The following AHNAK variants were observed in gnomAD, a reference collection of about 807,000 sequenced individuals.
AHNAK encodes neuroblast differentiation-associated protein AHNAK.
AHNAK carries 23 observed loss-of-function variants against 37.8 expected under a neutral mutation model. That is an observed-to-expected ratio of 0.61 (90% confidence interval 0.44 to 0.86). The LOEUF (loss-of-function observed/expected upper bound fraction) is 0.86, where lower values mean the gene tolerates loss of function less well. Among genes scored for constraint, AHNAK ranks in the 40% least tolerant of loss-of-function variants. AHNAK has a pLI of 0.00. For synonymous variants in AHNAK, 2,481 were observed against 2,636.3 expected (o/e 0.94, Z 1.80); for missense variants, 7,411 against 7,319.4 (o/e 1.01, Z -0.46).
At chr11:62,498,387 T>C (rs1939651809) in intron 4 of AHNAK, among the ~76,000 whole-genome samples, 1 of 152,060 alleles carries the variant, frequency 6.6e-6, no homozygotes, top group East Asian at 1.9e-4. Context: ...ATGAATGGCA[T>C]ACTAAGATTA....
At chr11:62,534,148 C>T in intron 4 of AHNAK, 74 bp from the exon 5 acceptor site, 1 of 1,441,530 alleles carries the variant, frequency 6.9e-7, no homozygotes, top group South Asian at 1.4e-5. Context: ...CACAGCCCAG[C>T]CGACAACACG....
Position 62,517,273 on chromosome 11 carries a change from G to A in AHNAK, c.17144C>T (p.Pro5715Leu), listed in dbSNP as rs1489145306. ...VKLKKSKIKM[P>L]KFNFSKPKGK... The stretch of plus-strand genomic sequence containing the variant: ...TTTAGGTTTGGAAAAATTAAACTTG[G>A]GCATTTTGATCTTGGACTTTTTCAG... The change falls in exon 5 of 5, where the codon CCC becomes CTC. Residue 5715 changes from proline to leucine, a missense_variant. Pro to Leu is a moderately conservative substitution (Grantham distance 98). Coordinates refer to ENST00000378024, the MANE Select transcript of AHNAK (RefSeq NM_001620.3). 2 of 1,613,918 alleles carry A rather than the reference G, an allele frequency of 1.2e-6. No individual in the cohort carries two copies. The highest frequency in any genetic ancestry group is 1.7e-6 in the Non-Finnish European group (2 of 1,180,028).
chr11:62,435,163 T>C (rs1938133341), intron 5 of AHNAK, among the ~76,000 whole-genome samples: 1 of 152,146 alleles, frequency 6.6e-6, no homozygotes, highest in Non-Finnish European at 1.5e-5. Flanking sequence ...TCCTACCCAT[T>C]TTTGAAGACT....
At chr11:62,479,167 C>CTTTTTTTTTT (rs33929407) in intron 5 of AHNAK, among the ~76,000 whole-genome samples, 19 of 116,238 alleles carry the variant, frequency 1.6e-4, no homozygotes, top group South Asian at 2.7e-4. Flanking sequence ...TTTCTTTTTT[C>CTTTTTTTTTT]TTTTTTTTTT....
intron 5 of AHNAK, among the ~76,000 whole-genome samples, chr11:62,465,196 A>C (rs1322320539): frequency 6.6e-6 from 1 of 152,088 alleles, no homozygotes; most frequent in East Asian, 1.9e-4. Flanking sequence ...TCACCTACAC[A>C]CTGATGGCCC....
intron 5 of AHNAK, among the ~76,000 whole-genome samples, chr11:62,464,474 C>T (rs569200239): frequency 1.3e-5 from 2 of 152,198 alleles, no homozygotes; most frequent in South Asian, 4.1e-4. Context: ...TTGAGACCAG[C>T]CTGACCAACA....
At chr11:62,441,158 G>T (rs538413826) in intron 5 of AHNAK, among the ~76,000 whole-genome samples, 2 of 151,712 alleles carry the variant, frequency 1.3e-5, no homozygotes, top group African/African-American at 4.8e-5. Context: ...GTGCCACCAC[G>T]CCCGGCTAAA....
At chr11:62,460,262 G>A (rs970500763) in intron 5 of AHNAK, among the ~76,000 whole-genome samples, 1 of 152,190 alleles carries the variant, frequency 6.6e-6, no homozygotes, top group African/African-American at 2.4e-5. Context: ...ACTCCAGCCT[G>A]GGTGACAGAG....
chr11:62,489,712 G>A (rs1284126005), intron 5 of AHNAK, among the ~76,000 whole-genome samples: 4 of 151,994 alleles, frequency 2.6e-5, no homozygotes, highest in African/African-American at 4.8e-5. Flanking sequence ...CCTGGAGCTC[G>A]GAAGAGAAGC....
At chr11:62,460,380 G>C (rs897848204) in intron 5 of AHNAK, among the ~76,000 whole-genome samples, 6 of 152,148 alleles carry the variant, frequency 3.9e-5, no homozygotes, top group African/African-American at 1.4e-4. Flanking sequence ...GGGAGGATGA[G>C]AGCACCAGGA....
In AHNAK at chr11:62,516,105, G is replaced by T. The variant is rs1011019407; in HGVS notation, c.*639C>A. 3.3e-5 allele frequency: 42 copies of T among 1,268,704 alleles called. No individual in the cohort carries two copies. Among genetic ancestry groups the T allele is most frequent in the Middle Eastern group, 3.1e-4 (1 of 3,250 alleles). 78.6% of individuals were successfully genotyped at this position (1,268,704 alleles called of 1,614,324 possible). ...GAAAATGGAAGCCCCTCATGTTGAG[G>T]GGGTGGGTTGGACAATTTGCAAACA... On this transcript the variant is annotated 3_prime_UTR_variant, in exon 5 of 5. Transcript: ENST00000378024.
chr11:62,448,663 A>G (rs1938468200), intron 5 of AHNAK, among the ~76,000 whole-genome samples: 1 of 152,162 alleles, frequency 6.6e-6, no homozygotes, highest in Non-Finnish European at 1.5e-5. Context: ...CCATTTGGGA[A>G]ATGCTGAGCT....
chr11:62,469,407 C>G (rs967930352), intron 5 of AHNAK, among the ~76,000 whole-genome samples: 9 of 151,984 alleles, frequency 5.9e-5, no homozygotes, highest in African/African-American at 2.2e-4. Flanking sequence ...CAGGCGTGAA[C>G]TACTGCGTCC....
chr11:62,512,278 G>A (rs535905349), downstream of AHNAK, among the ~76,000 whole-genome samples: 2 of 152,222 alleles, frequency 1.3e-5, no homozygotes, highest in Admixed American at 6.5e-5. The surrounding 1 kb of genome is among the most constrained non-coding windows in gnomAD (Gnocchi z 4.0). Flanking sequence ...GGAGAGAGGG[G>A]TCAGGGTGTT....
In AHNAK at chr11:62,531,344, C is replaced by A. The variant is rs1378270035; in HGVS notation, c.3073G>T (p.Ala1025Ser). The change falls in exon 5 of 5, where the codon GCG (alanine) becomes TCG (serine). Residue 1025 changes from alanine (A) to serine (S), a missense_variant. Coordinates refer to ENST00000378024, the MANE Select transcript of AHNAK (RefSeq NM_001620.3). ...TTTGGTGCAGAAATGTCCACATTCG[C>A]TTTGGACAGGTTCACATCAAATTCT... is the stretch of plus-strand genomic sequence containing the variant. ...GPEFDVNLSK[A>S]NVDISAPKVD... 1 of 1,613,808 alleles carries A rather than the reference C, an allele frequency of 6.2e-7. No homozygotes were observed. Among genetic ancestry groups the A allele is most frequent in the Non-Finnish European group, 8.5e-7 (1 of 1,179,936 alleles).
chr11:62,524,555 C>A lies in AHNAK; in HGVS notation c.9862G>T (p.Val3288Leu). 1 of 1,613,838 alleles carries A rather than the reference C, an allele frequency of 6.2e-7. No individual in the cohort carries two copies. ...GGCATGGAGATCTTGGGCATGTTTACATGCATGTCAGGCATCTTCAGTTTT... is the reference window on the plus strand; with the variant it reads ...GGCATGGAGATCTTGGGCATGTTTAAATGCATGTCAGGCATCTTCAGTTTT... ...GPKLKMPDMH[V>L]NMPKISMPEI... is the part of the protein sequence containing the mutation. Residue 3288 changes from valine to leucine, a missense_variant, in exon 5 of 5, where the codon GTA (valine) becomes TTA (leucine). Coordinates refer to ENST00000378024, the MANE Select transcript of AHNAK (RefSeq NM_001620.3).
At position 62,521,272 on chromosome 11, in the gene AHNAK, G is replaced by A. The variant is rs762666116; in HGVS notation, c.13145C>T (p.Ala4382Val). Residue 4382 changes from alanine (A) to valine (V), a missense_variant, in exon 5 of 5, where the codon GCC becomes GTC. Ala to Val is a moderately conservative substitution (Grantham distance 64). Transcript: ENST00000378024. The stretch of plus-strand genomic sequence containing the variant: ...AATGTCAGGCATGGAGATTTTGGGG[G>A]CCTTGATGTTCATCTCTGGCATCTT... ...KFKMPEMNIK[A>V]PKISMPDIDF... is the part of the protein sequence containing the mutation. 2.5e-5 allele frequency: 40 copies of A among 1,613,842 alleles called. No homozygotes were observed. Among genetic ancestry groups the A allele is most frequent in the Non-Finnish European group, 3.4e-5 (40 of 1,179,976 alleles).
chr11:62,497,371 AGAG>A (rs1939629685), intron 4 of AHNAK, among the ~76,000 whole-genome samples: 1 of 152,186 alleles, frequency 6.6e-6, no homozygotes, highest in Non-Finnish European at 1.5e-5. Context: ...TCAAGAAAAC[AGAG>A]GATAAGGAAG....
Position 62,524,156 on chromosome 11 carries a change from C to T in AHNAK, c.10261G>A (p.Glu3421Lys), listed in dbSNP as rs1349737961. 6.2e-7 allele frequency: 1 copy of T among 1,614,108 alleles called. No individual in the cohort carries two copies. The highest frequency in any genetic ancestry group is 1.7e-5 in the Admixed American group (1 of 60,000). ...ACTTTGGGACTTTTCAAATTTAGCTCCACGTCAGGCATAGAAACTTTGGGA... is the reference window on the plus strand; with the variant it reads ...ACTTTGGGACTTTTCAAATTTAGCTTCACGTCAGGCATAGAAACTTTGGGA... ...SSPKVSMPDV[E>K]LNLKSPKVKG... is the part of the protein sequence containing the mutation. Residue 3421 changes from glutamate (E) to lysine (K), a missense_variant, in exon 5 of 5, where the codon GAG (glutamate) becomes AAG (lysine). Glu to Lys is a moderately conservative substitution (Grantham distance 56). Coordinates refer to ENST00000378024, the MANE Select transcript of AHNAK (RefSeq NM_001620.3).
Sources: gnomAD v4.1 joint callset for allele counts (sites outside exome capture counted in the v4.1 genomes callset) on GRCh38, gnomAD v4.1.1 for gene constraint, Gnocchi (gnomAD v3.1) non-coding constraint, MANE v1.5 for transcripts, NCBI Gene and HGNC (gene_info 2026-07-23, HGNC 2026-07-21) for gene names.